The following CLSTN2 variants were observed in gnomAD, a reference collection of about 807,000 sequenced individuals.
CLSTN2 encodes the protein calsyntenin 2, also known as calsyntenin-2.
CLSTN2 carries 48 observed loss-of-function variants against 101.2 expected under a neutral mutation model. The ratio of observed to expected loss-of-function variants is 0.47; its 90% CI spans 0.38 to 0.60. The LOEUF (loss-of-function observed/expected upper bound fraction) is 0.60, where lower values mean the gene tolerates loss of function less well. CLSTN2 is among the 20% of genes least tolerant of loss of function. The pLI, the probability that CLSTN2 is intolerant of heterozygous loss-of-function variation, is 0.00. For missense variants in CLSTN2, 1,160 were observed against 1,238.2 expected (o/e 0.94, Z 0.95); for synonymous variants, 481 against 463.6 (o/e 1.04, Z -0.48).
intron 1 of CLSTN2, among the ~76,000 whole-genome samples, chr3:140,081,392 A>G (rs980201593): frequency 2.0e-5 from 3 of 152,198 alleles, no homozygotes; most frequent in African/African-American, 7.2e-5. Context: ...CATGTTTGTC[A>G]TTAGTATTCT....
chr3:140,107,657 T>C (rs1878978), intron 1 of CLSTN2, among the ~76,000 whole-genome samples: 58,015 of 152,028 alleles, frequency 0.38, 13,436 homozygotes, highest in African/African-American at 0.64. Context: ...AGTAGCTCCC[T>C]CTTCATGTGC....
chr3:140,106,928 G>A (rs147611058), intron 1 of CLSTN2, among the ~76,000 whole-genome samples: 35 of 152,252 alleles, frequency 2.3e-4, no homozygotes, highest in Admixed American at 8.5e-4. Context: ...GTTAAGCAGC[G>A]GGGGGATATC....
At chr3:140,302,364 A>T (rs564554308) in intron 2 of CLSTN2, among the ~76,000 whole-genome samples, 1 of 152,332 alleles carries the variant, frequency 6.6e-6, no homozygotes, top group African/African-American at 2.4e-5. Flanking sequence ...GGGTTTATGG[A>T]CAGAAAAAAA....
rs41265459 is a variant in CLSTN2 at position 140,448,648 on chromosome 3, T to C, written c.917T>C (p.Ile306Thr). 1.8e-5 allele frequency: 29 copies of C among 1,614,114 alleles called. No homozygotes were observed. The highest frequency in any genetic ancestry group is 1.1e-4 in the East Asian group (5 of 44,884). The change falls in exon 6 of 17, where the codon ATT (isoleucine) becomes ACT (threonine). Residue 306 changes from isoleucine to threonine, a missense_variant. Physicochemically the swap from Ile to Thr is moderately conservative, Grantham distance 89. Coordinates refer to ENST00000458420, the MANE Select transcript of CLSTN2 (RefSeq NM_022131.3). ...GTCACAGAGCTGCAGACTAATTACA[T>C]TGGGAAGGGTTGTGACCGGGAGACC... The part of the protein sequence containing the change: ...QIVTELQTNY[I>T]GKGCDRETYS...
intron 2 of CLSTN2, among the ~76,000 whole-genome samples, chr3:140,364,023 G>A (rs2087758377): frequency 6.6e-6 from 1 of 152,210 alleles, no homozygotes; most frequent in African/African-American, 2.4e-5. Context: ...CACTCCCTGT[G>A]CGTTTAATCA....
chr3:140,327,465 C>A (rs2087343409), intron 2 of CLSTN2, among the ~76,000 whole-genome samples: 1 of 152,208 alleles, frequency 6.6e-6, no homozygotes, highest in Non-Finnish European at 1.5e-5. Context: ...TTCTGCTGGG[C>A]TCAGGTTAGG....
chr3:140,020,429 C>T lies in CLSTN2; in HGVS notation c.109+84946C>T, dbSNP rs1237248552. ...CATATGCCTTTATGAATACTGGAAT[C>T]TCTAAACCTACCATCATGCATCTCG... is the stretch of plus-strand genomic sequence containing the variant. On this transcript the variant is annotated intron_variant, in intron 1 of 16. Coordinates refer to ENST00000458420, the MANE Select transcript of CLSTN2 (RefSeq NM_022131.3). Among the ~76,000 whole-genome samples, 4 of 152,298 alleles carry T rather than the reference C, an allele frequency of 2.6e-5. No homozygotes were observed. The East Asian group carries it at 7.7e-4, about 29-fold the overall frequency.
At chr3:139,977,147 G>A (rs1935831454) in intron 1 of CLSTN2, among the ~76,000 whole-genome samples, 1 of 152,122 alleles carries the variant, frequency 6.6e-6, no homozygotes, top group Non-Finnish European at 1.5e-5. Flanking sequence ...TGTTATTCCC[G>A]CTGTTTCCTC....
At chr3:140,051,647 G>T (rs576277109) in intron 1 of CLSTN2, among the ~76,000 whole-genome samples, 11 of 152,156 alleles carry the variant, frequency 7.2e-5, no homozygotes, top group Non-Finnish European at 1.6e-4. Context: ...AGAGAACAGT[G>T]GTTCTCAACC....
chr3:140,468,650 A>G (rs1933765919), intron 8 of CLSTN2, among the ~76,000 whole-genome samples: 1 of 152,224 alleles, frequency 6.6e-6, no homozygotes, highest in Non-Finnish European at 1.5e-5. Context: ...CAAGAGACTG[A>G]GGTCCAGTAG....
intron 1 of CLSTN2, among the ~76,000 whole-genome samples, chr3:140,064,284 A>C (rs2008261050): frequency 6.6e-6 from 1 of 152,164 alleles, no homozygotes; most frequent in Non-Finnish European, 1.5e-5. Context: ...CTTATGCAAA[A>C]GGTTTTGATC....
chr3:139,962,946 T>A (rs1184842007), intron 1 of CLSTN2, among the ~76,000 whole-genome samples: 2 of 152,208 alleles, frequency 1.3e-5, no homozygotes, highest in Non-Finnish European at 2.9e-5. Context: ...TACCTGTATG[T>A]TTAACTAACT....
At chr3:140,561,398 A>AAT (rs1935911845) in intron 12 of CLSTN2, among the ~76,000 whole-genome samples, 1 of 152,204 alleles carries the variant, frequency 6.6e-6, no homozygotes, top group Non-Finnish European at 1.5e-5. Flanking sequence ...CCAGCATTCA[A>AAT]ATACTCAGAC....
intron 2 of CLSTN2, among the ~76,000 whole-genome samples, chr3:140,319,437 G>A (rs2087260899): frequency 6.6e-6 from 1 of 152,190 alleles, no homozygotes; most frequent in Non-Finnish European, 1.5e-5. Context: ...TCTGGCCCTG[G>A]CACATGTGTC....
chr3:139,965,345 G>A (rs1314048879), intron 1 of CLSTN2, among the ~76,000 whole-genome samples: 2 of 152,146 alleles, frequency 1.3e-5, no homozygotes, highest in East Asian at 1.9e-4. Flanking sequence ...AGGAGCAGGG[G>A]CATTTGTACT....
At chr3:140,014,163 A>G (rs1330388644) in intron 1 of CLSTN2, among the ~76,000 whole-genome samples, 5 of 152,200 alleles carry the variant, frequency 3.3e-5, no homozygotes, top group Non-Finnish European at 2.9e-5. Flanking sequence ...ACCTTGAGTT[A>G]GAGAAGTAAT....
At chr3:140,274,279 T>C (rs1227588526) in intron 2 of CLSTN2, among the ~76,000 whole-genome samples, 2 of 152,098 alleles carry the variant, frequency 1.3e-5, no homozygotes, top group Non-Finnish European at 2.9e-5. Flanking sequence ...GCTCTGGCAT[T>C]GCTTATCCTG....
intron 2 of CLSTN2, among the ~76,000 whole-genome samples, chr3:140,382,299 G>A (rs2087994103): frequency 6.6e-6 from 1 of 152,120 alleles, no homozygotes; most frequent in African/African-American, 2.4e-5. Flanking sequence ...GTCTCCATGG[G>A]CCACCCACCC....
chr3:140,196,984 A>G (rs1366628740), intron 2 of CLSTN2, among the ~76,000 whole-genome samples: 3 of 152,218 alleles, frequency 2.0e-5, no homozygotes, highest in Non-Finnish European at 4.4e-5. Context: ...TAGGAAAAGG[A>G]TGATAAATAC....
Sources: gnomAD v4.1 joint callset for allele counts (sites outside exome capture counted in the v4.1 genomes callset) on GRCh38, gnomAD v4.1.1 for gene constraint, MANE v1.5 for transcripts, NCBI Gene and HGNC (gene_info 2026-07-23, HGNC 2026-07-21) for gene names.